Variants in MICAL3 observed in about 807,000 individuals in gnomAD.
The protein encoded by MICAL3 is [F-actin]-monooxygenase MICAL3.
In MICAL3, 62 loss-of-function variants were observed where a neutral mutation model predicts 207.4. The observed-to-expected ratio is 0.30, with a 90% CI of 0.24 to 0.37. The LOEUF (loss-of-function observed/expected upper bound fraction) is 0.37, where lower values mean the gene tolerates loss of function less well. Among genes scored for constraint, MICAL3 ranks in the 10% least tolerant of loss-of-function variants. MICAL3 has a pLI of 1.00. For missense variants in MICAL3, 2,368 were observed against 2,635.6 expected (o/e 0.90, Z 2.22); for synonymous variants, 1,077 against 1,069.3 (o/e 1.01, Z -0.14).
In MICAL3 at chr22:17,960,316, A is replaced by C. The variant is rs116404302; in HGVS notation, c.-74-53430T>G. The stretch of plus-strand genomic sequence containing the variant: ...TGTGTGTATGTAGGCCTCTGTGTAC[A>C]TGCGTGTGCATGTGTCCTGAAGCCT... On this transcript the variant is annotated intron_variant, in intron 1 of 31. Coordinates refer to ENST00000441493, the MANE Select transcript of MICAL3 (RefSeq NM_015241.3). Among the ~76,000 whole-genome samples the C allele has an allele frequency of 3.5e-3, 531 of 152,308 alleles. 3 individuals carry two copies. The highest frequency in any genetic ancestry group is 0.012 in the African/African-American group (505 of 41,570).
chr22:17,810,487 C>T (rs1801679980), intron 28 of MICAL3, among the ~76,000 whole-genome samples: 2 of 152,238 alleles, frequency 1.3e-5, no homozygotes, highest in African/African-American at 2.4e-5. Context: ...CATTGAGCCA[C>T]CACGCCCAGC....
At chr22:17,881,908 C>T (rs548181759) in intron 16 of MICAL3, among the ~76,000 whole-genome samples, 2 of 152,362 alleles carry the variant, frequency 1.3e-5, no homozygotes, top group South Asian at 4.1e-4. Flanking sequence ...CTGCCCCCTC[C>T]ACCGTATTCC....
intron 1 of MICAL3, among the ~76,000 whole-genome samples, chr22:17,957,778 GA>G (rs1356460209): frequency 2.7e-5 from 4 of 149,368 alleles, no homozygotes. Context: ...AAGAACGAAA[GA>G]AAGAAACTTT....
intron 1 of MICAL3, among the ~76,000 whole-genome samples, chr22:17,959,347 C>G (rs1374673593): frequency 6.6e-6 from 1 of 151,428 alleles, no homozygotes; most frequent in African/African-American, 2.4e-5. Flanking sequence ...CAGAGTCTCG[C>G]TCTGTCACCC....
intron 16 of MICAL3, among the ~76,000 whole-genome samples, chr22:17,873,573 G>T (rs5747387): frequency 6.6e-6 from 1 of 152,244 alleles, no homozygotes; most frequent in Non-Finnish European, 1.5e-5. Flanking sequence ...TGTTGGCCAC[G>T]AGGTGTGGCC....
intron 1 of MICAL3, among the ~76,000 whole-genome samples, chr22:17,983,789 T>G (rs1424122768): frequency 1.3e-5 from 2 of 152,096 alleles, no homozygotes; most frequent in Non-Finnish European, 2.9e-5. Flanking sequence ...ACCATGCCAC[T>G]TCCTATGGAA....
chr22:17,969,625 G>A (rs950698320), intron 1 of MICAL3, among the ~76,000 whole-genome samples: 1 of 152,188 alleles, frequency 6.6e-6, no homozygotes. Context: ...TGATCTGTGA[G>A]GAGGTGAGGC....
chr22:17,937,586 C>T (rs1933600338), intron 1 of MICAL3, among the ~76,000 whole-genome samples: 1 of 152,204 alleles, frequency 6.6e-6, no homozygotes. Flanking sequence ...TCGCTGGAAC[C>T]CAGGAGGCAG....
intron 29 of MICAL3, among the ~76,000 whole-genome samples, chr22:17,798,869 T>C (rs755691754): frequency 9.2e-5 from 14 of 151,434 alleles, no homozygotes; most frequent in Middle Eastern, 6.9e-3. Flanking sequence ...GAGATGGGGT[T>C]TCACCATGTT....
intron 8 of MICAL3, 93 bp downstream of exon 8, chr22:17,896,631 A>T: frequency 7.5e-7 from 1 of 1,330,202 alleles, no homozygotes; most frequent in Non-Finnish European, 1.0e-6. Flanking sequence ...GCTGTACAAC[A>T]CTGCAGACGC....
intron 1 of MICAL3, among the ~76,000 whole-genome samples, chr22:17,981,807 C>T (rs530750725): frequency 1.3e-5 from 2 of 152,088 alleles, no homozygotes; most frequent in African/African-American, 4.8e-5. Flanking sequence ...ATTATAATGG[C>T]GGCAGTTAAC....
chr22:17,899,587 G>T, intron 6 of MICAL3, 39 bp from the exon 7 acceptor site: 1 of 1,336,764 alleles, frequency 7.5e-7, no homozygotes, highest in Non-Finnish European at 1.1e-6. Flanking sequence ...TAAGTTTGCT[G>T]AGATGAAGGT....
chr22:18,011,936 T>A (rs533154970), intron 1 of MICAL3, among the ~76,000 whole-genome samples: 52 of 149,692 alleles, frequency 3.5e-4, no homozygotes, highest in East Asian at 2.8e-3. Flanking sequence ...TAAAAAATTT[T>A]TTAAAAAAGA....
chr22:17,936,704 C>G (rs181326720), intron 1 of MICAL3, among the ~76,000 whole-genome samples: 1 of 152,028 alleles, frequency 6.6e-6, no homozygotes, highest in East Asian at 1.9e-4. Flanking sequence ...GATTATTTTG[C>G]ATGAAAATTA....
chr22:17,874,527 G>A (rs1298064041), intron 16 of MICAL3, among the ~76,000 whole-genome samples: 2 of 152,280 alleles, frequency 1.3e-5, no homozygotes, highest in East Asian at 3.9e-4. Flanking sequence ...CTAAACCTGG[G>A]GCTGCCCGTG....
chr22:17,842,192 T>C, intron 19 of MICAL3, 175 bp from the exon 20 acceptor site: 1 of 627,452 alleles, frequency 1.6e-6, no homozygotes, highest in Non-Finnish European at 2.8e-6. Flanking sequence ...GAGAGGGAAT[T>C]TCACTCTGCA....
chr22:17,922,973 G>A (rs536897125), intron 1 of MICAL3, among the ~76,000 whole-genome samples: 3 of 152,254 alleles, frequency 2.0e-5, no homozygotes, highest in East Asian at 3.9e-4. Flanking sequence ...ATGGGACTTA[G>A]GCATGATTCA....
intron 13 of MICAL3, among the ~76,000 whole-genome samples, chr22:17,888,139 C>T (rs1052162860): frequency 5.3e-5 from 8 of 152,186 alleles, no homozygotes; most frequent in Admixed American, 5.2e-4. Flanking sequence ...CTTCTTGGCA[C>T]ATCACAATGT....
At chr22:17,917,587 G>T (rs1932611709) in intron 1 of MICAL3, among the ~76,000 whole-genome samples, 1 of 152,064 alleles carries the variant, frequency 6.6e-6, no homozygotes, top group Non-Finnish European at 1.5e-5. Flanking sequence ...CCACAAAGCA[G>T]CCAGAGCATC....
Sources: gnomAD v4.1 joint callset for allele counts (sites outside exome capture counted in the v4.1 genomes callset) on GRCh38, gnomAD v4.1.1 for gene constraint, MANE v1.5 for transcripts, NCBI Gene and HGNC (gene_info 2026-07-23, HGNC 2026-07-21) for gene names.